NOS1: variants seen among roughly 807,000 people sequenced by gnomAD.
The protein encoded by NOS1 is NOS type I.
In NOS1, 51 loss-of-function variants were observed where a neutral mutation model predicts 164.5. The observed-to-expected ratio is 0.31, with a 90% confidence interval of 0.25 to 0.39. NOS1 has a LOEUF of 0.39. Ranked by LOEUF, NOS1 falls within the 10% of genes least tolerant of loss-of-function variation. The pLI, the probability that NOS1 is intolerant of heterozygous loss-of-function variation, is 1.00. For missense variants in NOS1, 1,362 were observed against 1,885.6 expected (o/e 0.72, Z 5.14); for synonymous variants, 719 against 745.8 (o/e 0.96, Z 0.59).
At chr12:117,305,198 C>T (rs1874071167) in intron 3 of NOS1, 1 of 512,972 alleles carries the variant, frequency 1.9e-6, no homozygotes, top group East Asian at 1.5e-4. Context: ...AGCGGTGGCT[C>T]ACGCCTGTAA....
chr12:117,283,590 C>T (rs926742456), intron 7 of NOS1, among the ~76,000 whole-genome samples: 1 of 152,130 alleles, frequency 6.6e-6, no homozygotes, highest in Admixed American at 6.5e-5. Context: ...GGCGTGGTGG[C>T]TCACACCTGT....
chr12:117,312,626 T>C (rs1874488920), intron 2 of NOS1, among the ~76,000 whole-genome samples: 1 of 152,030 alleles, frequency 6.6e-6, no homozygotes, highest in East Asian at 1.9e-4. Flanking sequence ...TCTCACTGTG[T>C]TGCCCAGGCT....
Position 117,330,482 on chromosome 12 carries a change from G to A in NOS1, c.588C>T (p.Leu196=), listed in dbSNP as rs765046483. The A allele has an allele frequency of 1.2e-6, 2 of 1,614,180 alleles. No homozygotes were observed. The highest frequency in any genetic ancestry group is 1.7e-5 in the Admixed American group (1 of 60,034). The change falls in exon 2 of 29, where the codon CTC becomes CTT. Residue 196 remains leucine (L), a synonymous_variant. Transcript: ENST00000317775. The surrounding 1 kb of genome is among the most constrained non-coding windows in gnomAD (Gnocchi z 4.6). ...GTTCATTGTTCTCCCCTCTGCCTTG[G>A]AGGCTGACTCTGGTTGCTTTCTTCG... ...DPAKKATRVS[L]QGRGENNELL... is the part of the protein sequence containing the mutation.
chr12:117,242,728 C>A (rs1297673409), intron 19 of NOS1, 23 bp from the exon 20 acceptor site: 5 of 1,609,270 alleles, frequency 3.1e-6, no homozygotes, highest in Non-Finnish European at 4.3e-6. Context: ...AAACAACAGT[C>A]TTCCTGAGAA....
intron 1 of NOS1, among the ~76,000 whole-genome samples, chr12:117,355,908 C>T (rs1015421035): frequency 5.9e-5 from 9 of 152,066 alleles, no homozygotes; most frequent in African/African-American, 1.2e-4. Context: ...CACAGGTGCA[C>T]GCCACCACAC....
At position 117,272,503 on chromosome 12, in the gene NOS1, T is replaced by C; in HGVS notation, c.1721A>G (p.Asn574Ser). 1 of 1,614,204 alleles carries C rather than the reference T, an allele frequency of 6.2e-7. No homozygotes were observed. The highest frequency in any genetic ancestry group is 8.5e-7 in the Non-Finnish European group (1 of 1,180,024). Residue 574 changes from asparagine to serine, a missense_variant, in exon 10 of 29, where the codon AAC becomes AGC. By Grantham distance (46) the Asn-to-Ser change is conservative. This residue lies in a region of NOS1 where 134 missense variants were observed against 267.3 expected (regional missense o/e 0.50). Transcript: ENST00000317775. This position sits in a 1 kb window ranked among gnomAD's most constrained non-coding sequence, Gnocchi z 4.3. ...LKWYGLPAVSNMLLEIGGLEF... is the reference protein window; with the variant it reads ...LKWYGLPAVSSMLLEIGGLEF... ...CAGGCCGCCAATCTCTAGGAGCATG[T>C]TGGACACGGCGGGGAGGCCGTACCA...
At chr12:117,245,336 G>T (rs998362733) in intron 18 of NOS1, among the ~76,000 whole-genome samples, 1 of 152,084 alleles carries the variant, frequency 6.6e-6, no homozygotes, top group Non-Finnish European at 1.5e-5. Context: ...CAGACAGAAG[G>T]CCATGCATGG....
At chr12:117,292,663 G>A (rs1303931278) in intron 3 of NOS1, among the ~76,000 whole-genome samples, 1 of 152,214 alleles carries the variant, frequency 6.6e-6, no homozygotes, top group Admixed American at 6.5e-5. Context: ...GCTGAAGAAA[G>A]GAGTCCAATC....
chr12:117,273,701 A>C lies in NOS1; in HGVS notation c.1665-1142T>G, dbSNP rs1872956039. 3.3e-5 allele frequency among the ~76,000 whole-genome samples: 5 copies of C among 152,164 alleles called. No homozygotes were observed. In the East Asian group the frequency reaches 9.6e-4, roughly 29 times the overall value. ...ATTTAAAAAATCAAAATTTATGTAT[A>C]TATATGATGAACAATAATGTAGGAT... On this transcript the variant is annotated intron_variant, in intron 9 of 28. Coordinates refer to ENST00000317775, the MANE Select transcript of NOS1 (RefSeq NM_000620.5).
intron 1 of NOS1, among the ~76,000 whole-genome samples, chr12:117,342,129 C>T (rs187946578): frequency 6.5e-4 from 99 of 152,146 alleles, no homozygotes; most frequent in African/African-American, 2.4e-3. Context: ...TTCCTCCCTC[C>T]CTCTTTCTCT....
At chr12:117,218,839 G>T (rs1477253773) in intron 27 of NOS1, among the ~76,000 whole-genome samples, 2 of 152,070 alleles carry the variant, frequency 1.3e-5, no homozygotes, top group East Asian at 1.9e-4. Context: ...AGGGCAAGAG[G>T]ATCAAACAAA....
intron 3 of NOS1, among the ~76,000 whole-genome samples, chr12:117,293,638 T>C (rs1378273780): frequency 6.6e-6 from 1 of 151,840 alleles, no homozygotes; most frequent in Non-Finnish European, 1.5e-5. Flanking sequence ...CAAGTATTAT[T>C]ACTTGTATTA....
At chr12:117,341,904 A>C (rs1468464457) in intron 1 of NOS1, among the ~76,000 whole-genome samples, 1 of 152,222 alleles carries the variant, frequency 6.6e-6, no homozygotes, top group East Asian at 1.9e-4. Flanking sequence ...GGTACTGTTG[A>C]CTATTATTTT....
intron 7 of NOS1, among the ~76,000 whole-genome samples, chr12:117,283,100 C>T (rs1873821840): frequency 6.9e-6 from 1 of 144,424 alleles, no homozygotes; most frequent in South Asian, 2.2e-4. Flanking sequence ...GTCACTCAGG[C>T]TGGAGTGTGG....
chr12:117,208,218 A>G lies in NOS1; in HGVS notation c.*7091T>C. On this transcript the variant is annotated 3_prime_UTR_variant, in exon 29 of 29. Transcript: ENST00000317775. Reference sequence around the variant, plus strand: ...TTTTGTTGAATCCCATAAAATTGGAAGATGAGAACTATACAGAAGAAGAGC... The same window carrying G: ...TTTTGTTGAATCCCATAAAATTGGAGGATGAGAACTATACAGAAGAAGAGC... 1 of 1,168,978 alleles carries G rather than the reference A, an allele frequency of 8.6e-7. No individual in the cohort carries two copies. The highest frequency in any genetic ancestry group is 1.1e-6 in the Non-Finnish European group (1 of 901,574). The allele number at this position is 1,168,978 out of a possible 1,614,324, so 72.4% of individuals were successfully genotyped here. A position where few individuals can be genotyped will look rare whatever the true frequency, so the allele number is the denominator to read the frequency against.
chr12:117,248,398 C>T (rs1193199855), intron 17 of NOS1, among the ~76,000 whole-genome samples: 1 of 151,398 alleles, frequency 6.6e-6, no homozygotes, highest in Non-Finnish European at 1.5e-5. Flanking sequence ...TTCCTGTGTC[C>T]GTGTGTTCTC....
At chr12:117,326,151 C>T (rs113596099) in intron 2 of NOS1, among the ~76,000 whole-genome samples, 6,809 of 151,130 alleles carry the variant, frequency 0.045, 523 homozygotes, top group African/African-American at 0.16. Context: ...TTTGGGAGGC[C>T]GAGACGGGCG....
chr12:117,237,624 C>A (rs1407826557), intron 20 of NOS1, among the ~76,000 whole-genome samples: 2 of 150,652 alleles, frequency 1.3e-5, no homozygotes, highest in Admixed American at 6.6e-5. Flanking sequence ...GGCGGTGGCT[C>A]AATGATAGGT....
At chr12:117,250,345 TTAGACAGAG>T (rs1870994512) in intron 17 of NOS1, among the ~76,000 whole-genome samples, 2 of 150,646 alleles carry the variant, frequency 1.3e-5, no homozygotes, top group African/African-American at 5.0e-5. Context: ...TTTTTTTTTT[TTAGACAGAG>T]TTTTGCTCTT....
Sources: gnomAD v4.1 joint callset for allele counts (sites outside exome capture counted in the v4.1 genomes callset) on GRCh38, gnomAD v4.1.1 for gene constraint, gnomAD v4.1.1 regional missense constraint, Gnocchi (gnomAD v3.1) non-coding constraint, MANE v1.5 for transcripts, NCBI Gene and HGNC (gene_info 2026-07-23, HGNC 2026-07-21) for gene names.